Variants in CLEC19A observed in about 807,000 individuals in gnomAD.
CLEC19A encodes the protein C-type lectin domain family 19 member A.
CLEC19A carries 21 observed loss-of-function variants against 26.1 expected under a neutral mutation model. The observed-to-expected ratio is 0.80, with a 90% CI of 0.57 to 1.16. The LOEUF (loss-of-function observed/expected upper bound fraction) is 1.16. Ranked by LOEUF, CLEC19A falls within the 50% of genes most tolerant of loss-of-function variation. The probability of loss-of-function intolerance (pLI) is 0.00; values close to 1 mark genes in which losing one functional copy is unlikely to be tolerated. For synonymous variants in CLEC19A, 89 were observed against 88.6 expected (o/e 1.00, Z -0.03); for missense variants, 224 against 227.6 (o/e 0.98, Z 0.10).
chr16:19,286,047 A>C (rs1597076711), intron 1 of CLEC19A, 108 bp downstream of exon 1: 2 of 1,050,858 alleles, frequency 1.9e-6, no homozygotes, highest in Non-Finnish European at 2.8e-6. Context: ...GGGTGGCCTG[A>C]CCCGAGTCTC....
intron 1 of CLEC19A, among the ~76,000 whole-genome samples, chr16:19,293,300 C>T (rs1273155592): frequency 6.6e-6 from 1 of 151,968 alleles, no homozygotes; most frequent in Non-Finnish European, 1.5e-5. Flanking sequence ...TGGATCTGAG[C>T]ACAAAAAAGG....
At chr16:19,295,038 C>T (rs1339796102) in intron 1 of CLEC19A, among the ~76,000 whole-genome samples, 2 of 152,086 alleles carry the variant, frequency 1.3e-5, no homozygotes, top group African/African-American at 4.8e-5. Flanking sequence ...ATGCCATTAG[C>T]ACCACCACTT....
intron 2 of CLEC19A, among the ~76,000 whole-genome samples, chr16:19,302,050 G>A (rs179219): frequency 0.61 from 92,437 of 151,694 alleles, 29,373 homozygotes; most frequent in East Asian, 0.85. Flanking sequence ...GTTTTTTAAC[G>A]TTCCATATCA....
At position 19,309,372 on chromosome 16, in the gene CLEC19A, G is replaced by A. The variant is rs552638434; in HGVS notation, c.*289G>A. On this transcript the variant is annotated 3_prime_UTR_variant, in exon 5 of 5. Coordinates refer to ENST00000636231, the MANE Select transcript of CLEC19A (RefSeq NM_001256720.2). ...GAGTTGAATCTCACTGGCCTGGCTCGGGTCACGTGCCCATCCCTGAAGCAA... is the reference window on the plus strand; with the variant it reads ...GAGTTGAATCTCACTGGCCTGGCTCAGGTCACGTGCCCATCCCTGAAGCAA... The A allele has an allele frequency of 4.4e-4, 135 of 308,164 alleles. 2 individuals carry two copies. The highest frequency in any genetic ancestry group is 2.6e-4 in the South Asian group (7 of 27,298). 19.1% of individuals were successfully genotyped at this position (308,164 alleles called of 1,614,324 possible).
rs1382648569 is a variant in CLEC19A, at chr16:19,285,861, T to G, written c.10T>G (p.Trp4Gly). ...TTTCTAGGAGCTCAGGATGCAAAGG[T>G]GGACACTGTGGGCTGCAGCCTTCCT... is the stretch of plus-strand genomic sequence containing the variant. Reference protein sequence around the residue: MQRWTLWAAAFLTL... With the variant: MQRGTLWAAAFLTL... The change falls in exon 1 of 5, where the codon TGG (tryptophan) becomes GGG (glycine). Residue 4 changes from tryptophan (W) to glycine (G), a missense_variant. Coordinates refer to ENST00000636231, the MANE Select transcript of CLEC19A (RefSeq NM_001256720.2). The G allele has an allele frequency of 2.6e-6, 4 of 1,550,436 alleles. No homozygotes were observed. The South Asian group carries it at 4.8e-5, about 18-fold the overall frequency.
chr16:19,294,837 T>C (rs957266454), intron 1 of CLEC19A, among the ~76,000 whole-genome samples: 11 of 152,144 alleles, frequency 7.2e-5, no homozygotes, highest in Admixed American at 6.5e-4. Flanking sequence ...GGCTAAGAAA[T>C]GTGAATGTTT....
intron 1 of CLEC19A, among the ~76,000 whole-genome samples, chr16:19,294,375 C>T (rs1897659737): frequency 6.6e-6 from 1 of 152,224 alleles, no homozygotes; most frequent in South Asian, 2.1e-4. Flanking sequence ...AAGCATATTG[C>T]TCCAGAGCCC....
intron 1 of CLEC19A, among the ~76,000 whole-genome samples, chr16:19,292,542 T>G (rs982956808): frequency 2.0e-4 from 31 of 152,208 alleles, no homozygotes; most frequent in African/African-American, 5.8e-4. Flanking sequence ...CTACATGTAT[T>G]TATGCATTCA....
intron 1 of CLEC19A, among the ~76,000 whole-genome samples, chr16:19,297,843 C>A (rs1490284916): frequency 6.6e-6 from 1 of 152,032 alleles, no homozygotes; most frequent in African/African-American, 2.4e-5. Context: ...CTATGATGTG[C>A]ACATATTATT....
rs1365901826 is a variant in CLEC19A, at chr16:19,307,619, C to G, written c.423C>G (p.Gly141=). 2.6e-6 allele frequency: 4 copies of G among 1,548,210 alleles called. No individual in the cohort carries two copies. Among genetic ancestry groups the G allele is most frequent in the Non-Finnish European group, 3.5e-6 (4 of 1,146,812 alleles). ...SYWDGSQPDD[G]VHADPEEEDC... ...GGGATGGCAGCCAGCCAGATGATGG[C>G]GTCCACGCGGACCCAGAAGAAGAGG... The change falls in exon 4 of 5, where the codon GGC becomes GGG. Residue 141 remains glycine (G), a synonymous_variant. Transcript: ENST00000636231.
intron 1 of CLEC19A, among the ~76,000 whole-genome samples, chr16:19,288,281 G>A (rs1304931375): frequency 1.3e-5 from 2 of 152,200 alleles, no homozygotes; most frequent in African/African-American, 2.4e-5. Context: ...GTTTATGGGT[G>A]CATATGGGCA....
chr16:19,298,533 T>A lies in CLEC19A; in HGVS notation c.89-140T>A, dbSNP rs1044984676. 6.7e-5 allele frequency: 58 copies of A among 869,998 alleles called. No individual in the cohort carries two copies. In the African/African-American group the frequency reaches 9.2e-4, roughly 14 times the overall value. 53.9% of individuals were successfully genotyped at this position (869,998 alleles called of 1,614,324 possible). On this transcript the variant is annotated intron_variant, in intron 1 of 4. Transcript: ENST00000636231. ...ATGAGCTATGATCAAACCACTGCAC[T>A]TCAGCCTGGGCAACAGAACGAGACC...
intron 2 of CLEC19A, among the ~76,000 whole-genome samples, chr16:19,300,659 TG>T (rs1489093504): frequency 1.3e-4 from 20 of 152,062 alleles, no homozygotes; most frequent in Admixed American, 4.6e-4. Context: ...GTATTTTCAG[TG>T]GGGCTGAGGG....
chr16:19,296,103 T>C (rs1897700280), intron 1 of CLEC19A, among the ~76,000 whole-genome samples: 1 of 152,112 alleles, frequency 6.6e-6, no homozygotes, highest in South Asian at 2.1e-4. Context: ...ACCAACAGGC[T>C]CCAGTTTGGA....
At chr16:19,292,174 T>G (rs1183627523) in intron 1 of CLEC19A, among the ~76,000 whole-genome samples, 1 of 152,196 alleles carries the variant, frequency 6.6e-6, no homozygotes, top group Non-Finnish European at 1.5e-5. Flanking sequence ...GAATCAGTAA[T>G]TCTACAGGCT....
At chr16:19,287,403 C>A (rs966776145) in intron 1 of CLEC19A, among the ~76,000 whole-genome samples, 3 of 152,182 alleles carry the variant, frequency 2.0e-5, no homozygotes, top group African/African-American at 7.2e-5. Context: ...TCCCAAAGGT[C>A]CCCCCTCCCA....
At chr16:19,305,924 A>G (rs1033692011) in intron 3 of CLEC19A, among the ~76,000 whole-genome samples, 1 of 151,690 alleles carries the variant, frequency 6.6e-6, no homozygotes, top group African/African-American at 2.4e-5. Context: ...GCTCGCTGCA[A>G]CCTCCACCTC....
At chr16:19,306,608 A>G (rs1167753845) in intron 3 of CLEC19A, among the ~76,000 whole-genome samples, 4 of 152,330 alleles carry the variant, frequency 2.6e-5, no homozygotes, top group Middle Eastern at 3.4e-3. Context: ...TAATAATAAT[A>G]ATAATAAATA....
chr16:19,286,514 G>A (rs1897473422), intron 1 of CLEC19A, among the ~76,000 whole-genome samples: 1 of 152,230 alleles, frequency 6.6e-6, no homozygotes, highest in African/African-American at 2.4e-5. Flanking sequence ...ATGAGAACCT[G>A]TCAGCCTTGG....
Sources: gnomAD v4.1 joint callset for allele counts (sites outside exome capture counted in the v4.1 genomes callset) on GRCh38, gnomAD v4.1.1 for gene constraint, MANE v1.5 for transcripts, NCBI Gene and HGNC (gene_info 2026-07-23, HGNC 2026-07-21) for gene names.